Variants in CDH13 observed in about 807,000 individuals in gnomAD.
The protein encoded by CDH13 is cadherin-13.
A neutral mutation model predicts 63.8 loss-of-function variants in CDH13; 24 were observed. That is an observed-to-expected ratio of 0.38 (90% CI 0.27 to 0.53). The LOEUF is 0.53. CDH13 is among the 20% of genes least tolerant of loss of function. CDH13 has a pLI of 0.85. For synonymous variants in CDH13, 503 were observed against 355.3 expected (o/e 1.42, Z -4.67); for missense variants, 1,049 against 903.1 (o/e 1.16, Z -2.07).
chr16:83,297,009 C>G (rs958889572), intron 5 of CDH13, among the ~76,000 whole-genome samples: 3 of 152,044 alleles, frequency 2.0e-5, no homozygotes, highest in African/African-American at 7.2e-5. Flanking sequence ...GGAAATCGCT[C>G]TGAAGAAGAT....
At chr16:83,423,350 A>G (rs2071774202) in intron 6 of CDH13, among the ~76,000 whole-genome samples, 1 of 152,214 alleles carries the variant, frequency 6.6e-6, no homozygotes, top group Non-Finnish European at 1.5e-5. Context: ...AAAGAAGAAA[A>G]AAAGCCTAAA....
intron 7 of CDH13, among the ~76,000 whole-genome samples, chr16:83,530,547 A>G (rs2075060373): frequency 1.3e-5 from 2 of 152,170 alleles, no homozygotes; most frequent in Non-Finnish European, 2.9e-5. Flanking sequence ...GTTAGGATTA[A>G]TGGTCTCTGT....
At chr16:83,191,792 C>G (rs1236358028) in intron 4 of CDH13, among the ~76,000 whole-genome samples, 2 of 151,854 alleles carry the variant, frequency 1.3e-5, no homozygotes, top group Non-Finnish European at 2.9e-5. Flanking sequence ...GCTTTATATT[C>G]TAGCCATGCT....
At chr16:83,555,016 G>A (rs1035657031) in intron 7 of CDH13, among the ~76,000 whole-genome samples, 13 of 151,460 alleles carry the variant, frequency 8.6e-5, no homozygotes, top group African/African-American at 1.7e-4. Flanking sequence ...AGAACCCTGC[G>A]GGGCCAGAGG....
intron 7 of CDH13, among the ~76,000 whole-genome samples, chr16:83,542,287 A>G (rs1164862576): frequency 6.6e-6 from 1 of 152,142 alleles, no homozygotes; most frequent in Non-Finnish European, 1.5e-5. Context: ...TTTTTGTTTT[A>G]AGGCTTCCCA....
At chr16:82,640,562 C>G (rs1305622592) in intron 1 of CDH13, among the ~76,000 whole-genome samples, 1 of 152,096 alleles carries the variant, frequency 6.6e-6, no homozygotes, top group Non-Finnish European at 1.5e-5. Context: ...ATGTTATTTA[C>G]AAACACAAGC....
intron 3 of CDH13, among the ~76,000 whole-genome samples, chr16:83,084,323 T>C (rs1318405611): frequency 6.6e-6 from 1 of 152,106 alleles, no homozygotes; most frequent in Non-Finnish European, 1.5e-5. Context: ...CAGGAGTTTT[T>C]GTTTGTCTCT....
intron 5 of CDH13, among the ~76,000 whole-genome samples, chr16:83,228,258 T>G (rs1199460092): frequency 6.6e-6 from 1 of 152,212 alleles, no homozygotes; most frequent in Non-Finnish European, 1.5e-5. Context: ...GGGTCAGGCA[T>G]GCTGCTCCAC....
At chr16:82,941,562 G>C (rs1904287214) in intron 2 of CDH13, among the ~76,000 whole-genome samples, 1 of 152,124 alleles carries the variant, frequency 6.6e-6, no homozygotes, top group Non-Finnish European at 1.5e-5. Flanking sequence ...TGTGTGGATA[G>C]CACACTTTAT....
intron 5 of CDH13, among the ~76,000 whole-genome samples, chr16:83,321,629 C>A (rs1273105221): frequency 6.8e-6 from 1 of 147,120 alleles, no homozygotes; most frequent in Non-Finnish European, 1.5e-5. Flanking sequence ...CCTGGGTTCA[C>A]AACATTCTCC....
intron 8 of CDH13, among the ~76,000 whole-genome samples, chr16:83,634,611 G>C (rs1390140009): frequency 6.6e-6 from 1 of 152,036 alleles, no homozygotes; most frequent in Non-Finnish European, 1.5e-5. Context: ...ATGTTGGCCA[G>C]GTTGGTCTTG....
chr16:83,748,332 C>T (rs1912780606), intron 11 of CDH13, 82 bp downstream of exon 11: 2 of 1,298,586 alleles, frequency 1.5e-6, no homozygotes, highest in East Asian at 2.3e-5. Context: ...TTCTGATACA[C>T]CCAGGGGTGT....
rs557113167 is a variant in CDH13, at chr16:82,991,240, A to T, written c.158-40770A>T. ...AATGACACATTCAACTGAAAAATTG[A>T]TCACACGCTCTTAGGTATTACATGG... On this transcript the variant is annotated intron_variant, in intron 2 of 13. Transcript: ENST00000567109. 2.0e-5 allele frequency among the ~76,000 whole-genome samples: 3 copies of T among 152,218 alleles called. No individual in the cohort carries two copies. The East Asian group carries it at 5.8e-4, about 29-fold the overall frequency.
At chr16:83,532,695 TGTAA>T (rs1313777202) in intron 7 of CDH13, among the ~76,000 whole-genome samples, 1 of 152,210 alleles carries the variant, frequency 6.6e-6, no homozygotes, top group African/African-American at 2.4e-5. Context: ...CCTGGTGCCT[TGTAA>T]GTTCTTTGCA....
chr16:83,311,760 A>C lies in CDH13; in HGVS notation c.637-33102A>C, dbSNP rs2090005321. Among the ~76,000 whole-genome samples the C allele has an allele frequency of 1.3e-5, 2 of 152,198 alleles. 1 individual carries two copies. Among genetic ancestry groups the C allele is most frequent in the South Asian group, 4.1e-4 (2 of 4,826 alleles). On this transcript the variant is annotated intron_variant, in intron 5 of 13. Coordinates refer to ENST00000567109, the MANE Select transcript of CDH13 (RefSeq NM_001257.5). ...GCCAATTTTATTCCAGCTTGGACAA[A>C]TTCTACGCATCTTCCTAATAAAAGA...
At chr16:83,382,635 A>G (rs1004989572) in intron 6 of CDH13, among the ~76,000 whole-genome samples, 1 of 152,144 alleles carries the variant, frequency 6.6e-6, no homozygotes, top group Non-Finnish European at 1.5e-5. Flanking sequence ...CATTGATGCA[A>G]TGTCCAATCT....
intron 6 of CDH13, among the ~76,000 whole-genome samples, chr16:83,431,799 A>C (rs560863762): frequency 2.1e-4 from 32 of 152,266 alleles, no homozygotes; most frequent in African/African-American, 7.2e-4. Context: ...ATTCACCCCC[A>C]TGATCTAATC....
intron 2 of CDH13, among the ~76,000 whole-genome samples, chr16:83,022,015 A>G (rs957754257): frequency 1.3e-5 from 2 of 152,218 alleles, no homozygotes; most frequent in Non-Finnish European, 2.9e-5. Context: ...AGGAAAGTCA[A>G]AAGAAATGCT....
chr16:83,601,080 A>G (rs1342694765), intron 7 of CDH13, among the ~76,000 whole-genome samples: 1 of 152,142 alleles, frequency 6.6e-6, no homozygotes, highest in Non-Finnish European at 1.5e-5. Flanking sequence ...TATCACTGGA[A>G]TAAGATGCAC....
Sources: gnomAD v4.1 joint callset for allele counts (sites outside exome capture counted in the v4.1 genomes callset) on GRCh38, gnomAD v4.1.1 for gene constraint, MANE v1.5 for transcripts, NCBI Gene and HGNC (gene_info 2026-07-23, HGNC 2026-07-21) for gene names.